The following PREX1 variants were observed in gnomAD, a reference collection of about 807,000 sequenced individuals.
The protein encoded by PREX1 is phosphatidylinositol 3,4,5-trisphosphate-dependent Rac exchanger 1 protein.
A neutral mutation model predicts 198.3 loss-of-function variants in PREX1; 41 were observed. That is an observed-to-expected ratio of 0.21 (90% CI 0.16 to 0.27). PREX1 has a LOEUF of 0.27. PREX1 is among the 10% of genes least tolerant of loss of function. PREX1 has a pLI of 1.00. For missense variants in PREX1, 1,620 were observed against 2,200.7 expected, an observed-to-expected ratio of 0.74 and a Z score of 5.28; for synonymous variants, 843 against 887.2, an observed-to-expected ratio of 0.95 and a Z score of 0.89.
intron 5 of PREX1, among the ~76,000 whole-genome samples, chr20:48,716,440 G>T (rs946953321): frequency 6.6e-6 from 1 of 152,150 alleles, no homozygotes; most frequent in Non-Finnish European, 1.5e-5. Context: ...CAAACCCAAG[G>T]GCAACAAACA....
intron 14 of PREX1, among the ~76,000 whole-genome samples, chr20:48,669,059 T>C (rs1305690505): frequency 6.6e-6 from 1 of 152,056 alleles, no homozygotes; most frequent in Non-Finnish European, 1.5e-5. Context: ...TGCAGCCCTC[T>C]GGGAAGGATG....
intron 1 of PREX1, among the ~76,000 whole-genome samples, chr20:48,757,109 C>CA (rs774669619): frequency 1.3e-4 from 20 of 152,158 alleles, no homozygotes; most frequent in Non-Finnish European, 2.4e-4. Flanking sequence ...GGTGGGGACA[C>CA]AGCCAAACCA....
intron 12 of PREX1, 103 bp downstream of exon 12, chr20:48,679,548 G>T: frequency 4.3e-6 from 6 of 1,391,126 alleles, no homozygotes; most frequent in Non-Finnish European, 6.1e-6. Flanking sequence ...GGGCAGTGGA[G>T]AAGGCAAACA....
chr20:48,653,637 C>T (rs2089519175), intron 19 of PREX1, 140 bp from the exon 20 acceptor site: 9 of 1,031,108 alleles, frequency 8.7e-6, no homozygotes, highest in Admixed American at 2.4e-5. Context: ...CAGAGCCGCC[C>T]TCTGACACTC....
intron 36 of PREX1, 82 bp from the exon 37 acceptor site, chr20:48,629,703 C>T: frequency 7.0e-7 from 1 of 1,433,806 alleles, no homozygotes; most frequent in Non-Finnish European, 9.7e-7. Context: ...TCCTCCCCCA[C>T]CATATCCTTC....
chr20:48,747,308 A>G (rs2122779193), intron 2 of PREX1, among the ~76,000 whole-genome samples: 1 of 152,334 alleles, frequency 6.6e-6, no homozygotes, highest in Non-Finnish European at 1.5e-5. Flanking sequence ...CCATGCACAC[A>G]GAAGGCCTAT....
intron 1 of PREX1, among the ~76,000 whole-genome samples, chr20:48,824,597 C>T (rs1162371326): frequency 6.6e-6 from 1 of 152,180 alleles, no homozygotes; most frequent in Non-Finnish European, 1.5e-5. Context: ...AAGTGCTTTA[C>T]ATCAATTTCT....
intron 4 of PREX1, among the ~76,000 whole-genome samples, chr20:48,732,727 A>G (rs561896891): frequency 5.9e-5 from 9 of 152,332 alleles, no homozygotes; most frequent in Non-Finnish European, 1.2e-4. Flanking sequence ...CTCAGAATAA[A>G]GCCTGTATTT....
At chr20:48,685,966 G>T (rs1568823753) in intron 10 of PREX1, among the ~76,000 whole-genome samples, 1 of 152,274 alleles carries the variant, frequency 6.6e-6, no homozygotes, top group East Asian at 1.9e-4. Flanking sequence ...GATGTAGAGA[G>T]AGGAACTGCT....
chr20:48,699,276 T>C (rs117453366), intron 7 of PREX1, among the ~76,000 whole-genome samples: 1 of 152,336 alleles, frequency 6.6e-6, no homozygotes, highest in East Asian at 1.9e-4. Context: ...GCCTCAGCTC[T>C]AGTCTTTGCT....
intron 1 of PREX1, among the ~76,000 whole-genome samples, chr20:48,770,970 G>A (rs1004478960): frequency 6.6e-6 from 1 of 152,118 alleles, no homozygotes; most frequent in South Asian, 2.1e-4. Context: ...CACCTGCGAT[G>A]GGGCACCAGG....
chr20:48,809,067 A>G (rs994532411), intron 1 of PREX1, among the ~76,000 whole-genome samples: 1 of 152,140 alleles, frequency 6.6e-6, no homozygotes, highest in Non-Finnish European at 1.5e-5. Flanking sequence ...CACCTTCCCC[A>G]CCAGGTTCTT....
Position 48,700,770 on chromosome 20 carries a change from G to A in PREX1, c.900C>T (p.Tyr300=). 1 of 1,613,374 alleles carries A rather than the reference G, an allele frequency of 6.2e-7. No homozygotes were observed. The highest frequency in any genetic ancestry group is 8.5e-7 in the Non-Finnish European group (1 of 1,180,004). Reference sequence around the variant, plus strand: ...CCACTCACCTGGATTTCCGCTTGCAGTAGACGAGAAGGTTGTCGAAGAGGA... The same window carrying A: ...CCACTCACCTGGATTTCCGCTTGCAATAGACGAGAAGGTTGTCGAAGAGGA... ...AFFLFDNLLV[Y]CKRKSRVTGS... The change falls in exon 7 of 40, where the codon TAC becomes TAT. Residue 300 remains tyrosine (Y), a synonymous_variant. Coordinates refer to ENST00000371941, the MANE Select transcript of PREX1 (RefSeq NM_020820.4).
chr20:48,634,065 G>GGGGT lies in PREX1; in HGVS notation c.4267+610_4267+611insACCC, dbSNP rs1555829112. ...TGGATGCATGGATGGATGGATGAGT[G>GGGGT]GGATGGATGGATGGATGGACGGATG... is the stretch of plus-strand genomic sequence containing the variant. On this transcript the variant is annotated intron_variant, in intron 33 of 39. Transcript: ENST00000371941. Among the ~76,000 whole-genome samples the GGGGT allele has an allele frequency of 9.4e-4, 107 of 114,014 alleles. 1 individual carries two copies. The highest frequency in any genetic ancestry group is 3.1e-3 in the African/African-American group (99 of 31,794). 74.8% of individuals were successfully genotyped at this position (114,014 alleles called of 152,430 possible).
At chr20:48,807,127 T>C (rs141886136) in intron 1 of PREX1, among the ~76,000 whole-genome samples, 12 of 152,208 alleles carry the variant, frequency 7.9e-5, no homozygotes, top group Admixed American at 4.6e-4. Context: ...ATTTGAAAAA[T>C]AGTGTGTTAA....
At chr20:48,768,529 T>C (rs2122870229) in intron 1 of PREX1, among the ~76,000 whole-genome samples, 1 of 152,282 alleles carries the variant, frequency 6.6e-6, no homozygotes, top group South Asian at 2.1e-4. Context: ...GCCCAGTGGC[T>C]CACGCCTGTA....
At chr20:48,879,177 C>T in the PREX1 span, among the ~76,000 whole-genome samples, 5 of 152,200 alleles carry the variant, frequency 3.3e-5, no homozygotes, top group South Asian at 2.1e-4. Context: ...GCTGCTATTG[C>T]GAGGATTAAA....
At chr20:48,730,672 C>G (rs2090031239) in intron 4 of PREX1, among the ~76,000 whole-genome samples, 1 of 151,938 alleles carries the variant, frequency 6.6e-6, no homozygotes, top group Admixed American at 6.6e-5. Flanking sequence ...TGCATGGATG[C>G]TACACTTTAA....
chr20:48,701,416 G>A (rs762708430), intron 6 of PREX1, among the ~76,000 whole-genome samples: 14 of 152,178 alleles, frequency 9.2e-5, no homozygotes, highest in Non-Finnish European at 1.8e-4. Flanking sequence ...GTTTCACCAC[G>A]TTGGTCAGGC....
Sources: allele counts gnomAD v4.1 joint callset (sites outside exome capture counted in the v4.1 genomes callset), GRCh38; gene constraint gnomAD v4.1.1; transcripts MANE v1.5; gene names NCBI Gene and HGNC (gene_info 2026-07-23, HGNC 2026-07-21).